The following PRKD1 variants were observed in gnomAD, a reference collection of about 807,000 sequenced individuals.
PRKD1 encodes the protein protein kinase D1, also known as serine/threonine-protein kinase D1.
Under a neutral mutation model 95.9 loss-of-function variants are expected in PRKD1, and 63 were observed. The observed-to-expected ratio is 0.66, with a 90% CI of 0.54 to 0.81. The LOEUF is 0.81. Among genes scored for constraint, PRKD1 ranks in the 30% least tolerant of loss-of-function variants. The pLI, the probability that PRKD1 is intolerant of heterozygous loss-of-function variation, is 0.00. For synonymous variants in PRKD1, 425 were observed against 423.1 expected, an observed-to-expected ratio of 1.00 and a Z score of -0.05; for missense variants, 1,048 against 1,165.3, an observed-to-expected ratio of 0.90 and a Z score of 1.47.
intron 1 of PRKD1, among the ~76,000 whole-genome samples, chr14:29,839,966 A>G (rs1891766534): frequency 6.6e-6 from 1 of 151,938 alleles, no homozygotes; most frequent in Non-Finnish European, 1.5e-5. Context: ...TGCCATGAAG[A>G]CCTCTGACAT....
intron 1 of PRKD1, among the ~76,000 whole-genome samples, chr14:29,847,878 C>T (rs201360852): frequency 1.3e-5 from 2 of 149,810 alleles, no homozygotes; most frequent in Non-Finnish European, 3.0e-5. Context: ...CTCTCTCTCT[C>T]CCCCCCCACC....
chr14:29,582,025 C>T (rs1892771751), intron 16 of PRKD1, among the ~76,000 whole-genome samples: 1 of 151,888 alleles, frequency 6.6e-6, no homozygotes, highest in South Asian at 2.1e-4. Flanking sequence ...CTATTTTAGG[C>T]TATTTTTTTT....
At chr14:29,741,644 C>T (rs1886983544) in intron 1 of PRKD1, among the ~76,000 whole-genome samples, 1 of 152,020 alleles carries the variant, frequency 6.6e-6, no homozygotes, top group African/African-American at 2.4e-5. Flanking sequence ...CATGCACACT[C>T]AGTGGTCTGC....
At chr14:29,768,624 G>A (rs965881496) in intron 1 of PRKD1, among the ~76,000 whole-genome samples, 3 of 151,358 alleles carry the variant, frequency 2.0e-5, no homozygotes, top group Non-Finnish European at 2.9e-5. Context: ...CATTGCCTAC[G>A]AGTTCACCCA....
intron 15 of PRKD1, 28 bp from the exon 16 acceptor site, chr14:29,597,786 C>T (rs761523389): frequency 2.5e-6 from 4 of 1,592,420 alleles, no homozygotes; most frequent in South Asian, 1.1e-5. Flanking sequence ...TGCAGAAATA[C>T]TCCGTTCACA....
At chr14:29,685,120 T>G (rs1883779866) in intron 2 of PRKD1, among the ~76,000 whole-genome samples, 1 of 152,224 alleles carries the variant, frequency 6.6e-6, no homozygotes, top group African/African-American at 2.4e-5. Context: ...GCAGGGCCAA[T>G]GTGGCTTCTT....
intron 1 of PRKD1, among the ~76,000 whole-genome samples, chr14:29,877,401 G>T (rs564692113): frequency 1.3e-5 from 2 of 152,306 alleles, no homozygotes; most frequent in South Asian, 4.1e-4. Flanking sequence ...ACCTTTGTCA[G>T]ATGCATACTT....
chr14:29,783,920 T>G (rs2139175438), intron 1 of PRKD1, among the ~76,000 whole-genome samples: 1 of 152,356 alleles, frequency 6.6e-6, no homozygotes, highest in South Asian at 2.1e-4. Flanking sequence ...AATATTTTCT[T>G]CCATTCTACA....
intron 4 of PRKD1, among the ~76,000 whole-genome samples, chr14:29,662,672 C>A (rs763881187): frequency 2.0e-5 from 3 of 151,978 alleles, no homozygotes; most frequent in Non-Finnish European, 2.9e-5. Context: ...ATATAAAGAT[C>A]GTGATCACAA....
chr14:29,890,353 A>G (rs1893896120), intron 1 of PRKD1, among the ~76,000 whole-genome samples: 1 of 152,164 alleles, frequency 6.6e-6, no homozygotes, highest in South Asian at 2.1e-4. Flanking sequence ...TCTATCCCCA[A>G]TTCCTACCCA....
At chr14:29,681,276 G>T (rs771102108) in intron 2 of PRKD1, among the ~76,000 whole-genome samples, 1 of 152,052 alleles carries the variant, frequency 6.6e-6, no homozygotes, top group African/African-American at 2.4e-5. Context: ...AAATTTCCTG[G>T]TGCAAATAAA....
intron 2 of PRKD1, among the ~76,000 whole-genome samples, chr14:29,695,214 ACAAGAGGGAAACTC>A (rs1203710002): frequency 1.3e-5 from 2 of 148,700 alleles, no homozygotes; most frequent in East Asian, 2.0e-4. Flanking sequence ...AGCCTGGGCA[ACAAGAGGGAAACTC>A]CATCTCAAAA....
At chr14:29,857,650 A>G (rs999678317) in intron 1 of PRKD1, among the ~76,000 whole-genome samples, 2 of 152,214 alleles carry the variant, frequency 1.3e-5, no homozygotes, top group Non-Finnish European at 2.9e-5. Context: ...TACACTTAGA[A>G]GAAGTTGTTC....
chr14:29,860,043 T>C (rs1385004193), intron 1 of PRKD1, among the ~76,000 whole-genome samples: 3 of 152,234 alleles, frequency 2.0e-5, no homozygotes, highest in South Asian at 4.1e-4. Flanking sequence ...AAATTAACTC[T>C]TCATTCCTAG....
chr14:29,696,272 T>A (rs12898091), intron 2 of PRKD1, among the ~76,000 whole-genome samples: 77,127 of 151,948 alleles, frequency 0.51, 21,846 homozygotes, highest in African/African-American at 0.77. Context: ...GCATATGTAC[T>A]AAGTTTTTAT....
At chr14:29,664,533 G>A (rs45604232) in intron 3 of PRKD1, among the ~76,000 whole-genome samples, 80 of 152,154 alleles carry the variant, frequency 5.3e-4, no homozygotes, top group African/African-American at 1.8e-3. Flanking sequence ...ACAGCAGTCC[G>A]GACAGACAAA....
At chr14:29,767,070 A>C (rs1953720) in intron 1 of PRKD1, among the ~76,000 whole-genome samples, 26,506 of 152,064 alleles carry the variant, frequency 0.17, 2,477 homozygotes, top group South Asian at 0.23. Context: ...TAATCTTACT[A>C]CTTCTAATTG....
intron 1 of PRKD1, among the ~76,000 whole-genome samples, chr14:29,769,805 A>AT (rs1888422235): frequency 6.6e-6 from 1 of 152,176 alleles, no homozygotes; most frequent in African/African-American, 2.4e-5. Flanking sequence ...CAGACAACAC[A>AT]TTATTAAACA....
At chr14:29,771,253 C>T (rs1184097204) in intron 1 of PRKD1, among the ~76,000 whole-genome samples, 3 of 152,076 alleles carry the variant, frequency 2.0e-5, no homozygotes, top group South Asian at 2.1e-4. Context: ...AGATGATGGA[C>T]GAATGGCCCC....
Sources: gnomAD v4.1 joint callset for allele counts (sites outside exome capture counted in the v4.1 genomes callset) on GRCh38, gnomAD v4.1.1 for gene constraint, MANE v1.5 for transcripts, NCBI Gene and HGNC (gene_info 2026-07-23, HGNC 2026-07-21) for gene names.